CLUH: variants seen among roughly 807,000 people sequenced by gnomAD.
The protein encoded by CLUH is CLUH binding protein of NUMT mRNA.
A neutral mutation model predicts 139.3 loss-of-function variants in CLUH; 77 were observed. The observed-to-expected ratio is 0.55, with a 90% CI of 0.46 to 0.67. The LOEUF (loss-of-function observed/expected upper bound fraction) is 0.67, where lower values mean the gene tolerates loss of function less well. CLUH is among the 30% of genes least tolerant of loss of function. The pLI, the probability that CLUH is intolerant of heterozygous loss-of-function variation, is 0.00. For missense variants in CLUH, 1,876 were observed against 1,875.8 expected (o/e 1.00, Z 0.00); for synonymous variants, 999 against 801.6 (o/e 1.25, Z -4.16).
At chr17:2,709,161 G>C (rs539247766) in intron 1 of CLUH, among the ~76,000 whole-genome samples, 1 of 152,296 alleles carries the variant, frequency 6.6e-6, no homozygotes, top group African/African-American at 2.4e-5. Flanking sequence ...CAGAGGACCT[G>C]TGTGCTGCCC....
In CLUH at chr17:2,692,676, G is replaced by A; in HGVS notation, c.3333C>T (p.Cys1111=). The A allele has an allele frequency of 6.2e-7, 1 of 1,612,012 alleles. No individual in the cohort carries two copies. The highest frequency in any genetic ancestry group is 8.5e-7 in the Non-Finnish European group (1 of 1,179,222). ...CGGTGGACAGCTGGCTGCTGGCGAA[G>A]CAGTACAGGGCCAGGTGCATCTGCG... ...IQEYMHLALY[C]FASSQLSTAL... The change falls in exon 21 of 26, where the codon TGC becomes TGT. Residue 1111 remains cysteine (C), a synonymous_variant. Coordinates refer to ENST00000651024, the MANE Select transcript of CLUH (RefSeq NM_001366661.1).
chr17:2,698,208 A>G lies in CLUH; in HGVS notation c.1649T>C (p.Val550Ala). 1 of 1,580,778 alleles carries G rather than the reference A, an allele frequency of 6.3e-7. No homozygotes were observed. The highest frequency in any genetic ancestry group is 8.6e-7 in the Non-Finnish European group (1 of 1,164,360). The stretch of plus-strand genomic sequence containing the variant: ...CAGCTCCAGGTACCGCGGGTGTGAC[A>G]CCACGGTCTTGCCGAAGTCGATGGA... Reference protein sequence around the residue: ...YGSIDFGKTVVSHPRYLELLE... With the variant: ...YGSIDFGKTVASHPRYLELLE... Residue 550 changes from valine (V) to alanine (A), a missense_variant, in exon 10 of 26, where the codon GTG (valine) becomes GCG (alanine). By Grantham distance (64) the Val-to-Ala change is moderately conservative. Coordinates refer to ENST00000651024, the MANE Select transcript of CLUH (RefSeq NM_001366661.1).
chr17:2,690,645 C>G lies in CLUH; in HGVS notation c.3996G>C (p.Leu1332=). The G allele has an allele frequency of 6.6e-7, 1 of 1,523,536 alleles. No homozygotes were observed. Among genetic ancestry groups the G allele is most frequent in the Non-Finnish European group, 8.8e-7 (1 of 1,142,302 alleles). The allele number at this position is 1,523,536 out of a possible 1,614,324, so 94.4% of individuals were successfully genotyped here. A position where few individuals can be genotyped will look rare whatever the true frequency, so the allele number is the denominator to read the frequency against. ...EPAPAGAPGD[L]GSQPPAAKDP... is the part of the protein sequence containing the mutation. ...CCTTGGCAGCCGGGGGCTGGGAGCCCAGGTCTCCTGGGGCCCCCGCTGGCG... is the reference window on the plus strand; with the variant it reads ...CCTTGGCAGCCGGGGGCTGGGAGCCGAGGTCTCCTGGGGCCCCCGCTGGCG... Residue 1332 remains leucine (L), a synonymous_variant, in exon 26 of 26, where the codon CTG becomes CTC. Coordinates refer to ENST00000651024, the MANE Select transcript of CLUH (RefSeq NM_001366661.1).
chr17:2,695,152 G>A, intron 15 of CLUH, 51 bp from the exon 16 acceptor site: 1 of 1,613,478 alleles, frequency 6.2e-7, no homozygotes, highest in Non-Finnish European at 8.5e-7. Context: ...CCCACCTCAG[G>A]CTCTTTCCCG....
chr17:2,699,635 CTT>C (rs34048701), intron 9 of CLUH, among the ~76,000 whole-genome samples: 69 of 144,886 alleles, frequency 4.8e-4, no homozygotes, highest in Non-Finnish European at 6.2e-4. Flanking sequence ...GCTGAGATTT[CTT>C]TTTTTTTTTT....
At chr17:2,708,165 C>T (rs2070401903) in intron 1 of CLUH, among the ~76,000 whole-genome samples, 1 of 152,182 alleles carries the variant, frequency 6.6e-6, no homozygotes. Context: ...ATCCACCCTA[C>T]CCAGGGTGGG....
Position 2,690,728 on chromosome 17 carries a change from G to A in CLUH, c.3913C>T (p.Leu1305Phe). Residue 1305 changes from leucine (L) to phenylalanine (F), a missense_variant, in exon 26 of 26, where the codon CTC (leucine) becomes TTC (phenylalanine). Around this residue, in one of 3 missense-constraint regions of CLUH, gnomAD observed 1,454 missense variants for 1,384.4 expected, o/e 1.05. Coordinates refer to ENST00000651024, the MANE Select transcript of CLUH (RefSeq NM_001366661.1). Reference protein sequence around the residue: ...LKAEVARRHQLQEASRNRDRA... With the variant: ...LKAEVARRHQFQEASRNRDRA... ...TCCCTGTTTCTGCTGGCCTCCTGGAGCTGGTGCCGCCGCGCCACCTCGGCT... is the reference window on the plus strand; with the variant it reads ...TCCCTGTTTCTGCTGGCCTCCTGGAACTGGTGCCGCCGCGCCACCTCGGCT... 6.4e-7 allele frequency: 1 copy of A among 1,557,446 alleles called. No individual in the cohort carries two copies. Among genetic ancestry groups the A allele is most frequent in the Non-Finnish European group, 8.6e-7 (1 of 1,159,680 alleles).
chr17:2,703,482 G>T lies in CLUH; in HGVS notation c.311C>A (p.Pro104His). Reference protein sequence around the residue: ...GIEPFSLQVSPQEMVQEIHQV... With the variant: ...GIEPFSLQVSHQEMVQEIHQV... ...GTGAATCTCCTGCACCATCTCCTGG[G>T]GGGACACCTGCAGGGAGAAGGCCCC... The change falls in exon 3 of 26, where the codon CCC becomes CAC. Residue 104 changes from proline (P) to histidine (H), a missense_variant. Transcript: ENST00000651024. The surrounding 1 kb of genome is among the most constrained non-coding windows in gnomAD (Gnocchi z 4.2). 6.2e-7 allele frequency: 1 copy of T among 1,613,122 alleles called. No individual in the cohort carries two copies. Among genetic ancestry groups the T allele is most frequent in the Non-Finnish European group, 8.5e-7 (1 of 1,179,628 alleles).
At chr17:2,691,920 G>A (rs2069658635) in intron 23 of CLUH, 25 bp from the exon 24 acceptor site, 2 of 1,374,420 alleles carry the variant, frequency 1.5e-6, no homozygotes, top group Non-Finnish European at 9.4e-7. Context: ...GAAGGGATCA[G>A]GCCCCCCCGT....
intron 16 of CLUH, 35 bp downstream of exon 16, chr17:2,694,822 T>TCCCCCCCCCC: frequency 1.5e-6 from 2 of 1,346,336 alleles, no homozygotes; most frequent in African/African-American, 1.5e-5. Flanking sequence ...ATCTGCCCAA[T>TCCCCCCCCCC]CCCACCCACC....
At chr17:2,691,362 G>T (rs1283381837) in intron 25 of CLUH, among the ~76,000 whole-genome samples, 1 of 152,154 alleles carries the variant, frequency 6.6e-6, no homozygotes, top group Non-Finnish European at 1.5e-5. Context: ...AAGAGTTCGA[G>T]ACCAGCCTGG....
Position 2,694,182 on chromosome 17 carries a change from T to C in CLUH, c.3032A>G (p.Asn1011Ser), listed in dbSNP as rs2069832735. 5 of 1,613,206 alleles carry C rather than the reference T, an allele frequency of 3.1e-6. No homozygotes were observed. The East Asian group carries it at 1.1e-4, about 36-fold the overall frequency. ...ATGGAAGGCATCCGAGGCCTTGGGG[T>C]TGACGTGCTTGACCACGGGGAAGAT... is the stretch of plus-strand genomic sequence containing the variant. ...LNIFPVVKHV[N>S]PKASDAFHFF... Residue 1011 changes from asparagine (N) to serine (S), a missense_variant, in exon 18 of 26, where the codon AAC becomes AGC. Transcript: ENST00000651024.
chr17:2,692,119 G>T, intron 22 of CLUH, 22 bp from the exon 23 acceptor site: 1 of 1,579,494 alleles, frequency 6.3e-7, no homozygotes, highest in Non-Finnish European at 8.6e-7. Context: ...CGCGGCGCGG[G>T]GCGAGGGAAG....
rs979122099 is a variant in CLUH, at chr17:2,690,466, G to T, written c.*128C>A. On this transcript the variant is annotated 3_prime_UTR_variant, in exon 26 of 26. Coordinates refer to ENST00000651024, the MANE Select transcript of CLUH (RefSeq NM_001366661.1). The stretch of plus-strand genomic sequence containing the variant: ...GCCAGGCTCCCAGGAGGACACGGGG[G>T]TGGGGTGGGGTGAGACGTGGAGGAA... 3.8e-6 allele frequency: 3 copies of T among 796,612 alleles called. No homozygotes were observed. Among genetic ancestry groups the T allele is most frequent in the Non-Finnish European group, 5.4e-6 (3 of 559,100 alleles). The allele number at this position is 796,612 out of a possible 1,614,324, so 49.3% of individuals were successfully genotyped here. A position where few individuals can be genotyped will look rare whatever the true frequency, so the allele number is the denominator to read the frequency against.
rs2069578626 is a variant in CLUH at position 2,690,489 on chromosome 17, G to C, written c.*105C>G. ...GGGTGGGGTGGGGTGAGACGTGGAGGAAGAGGGCCTTGCTTCCTCTTCCGC... is the reference window on the plus strand; with the variant it reads ...GGGTGGGGTGGGGTGAGACGTGGAGCAAGAGGGCCTTGCTTCCTCTTCCGC... On this transcript the variant is annotated 3_prime_UTR_variant, in exon 26 of 26. Coordinates refer to ENST00000651024, the MANE Select transcript of CLUH (RefSeq NM_001366661.1). 9.6e-7 allele frequency: 1 copy of C among 1,038,132 alleles called. No individual in the cohort carries two copies. Among genetic ancestry groups the C allele is most frequent in the Admixed American group, 4.0e-5 (1 of 25,036 alleles). The allele number at this position is 1,038,132 out of a possible 1,614,324, so 64.3% of individuals were successfully genotyped here. A position where few individuals can be genotyped will look rare whatever the true frequency, so the allele number is the denominator to read the frequency against.
In CLUH at chr17:2,692,073, G is replaced by A. The variant is rs1191262302; in HGVS notation, c.3585C>T (p.Tyr1195=). 2 of 1,604,022 alleles carry A rather than the reference G, an allele frequency of 1.2e-6. No individual in the cohort carries two copies. Among genetic ancestry groups the A allele is most frequent in the African/African-American group, 1.3e-5 (1 of 74,766 alleles). Residue 1195 remains tyrosine (Y), a synonymous_variant, in exon 23 of 26, where the codon TAC becomes TAT. Transcript: ENST00000651024. ...CCGACCGGAACTCAGCTTTGCTCTC[G>A]TAGACTCGGGCGACAAGGTGGTGGC... ...ALSHHLVARV[Y]ESKAEFRSAL... is the part of the protein sequence containing the mutation.
rs1169208779 is a variant in CLUH, at chr17:2,707,481, G to T, written c.101-2917C>A. The T allele has an allele frequency of 1.0e-6, 1 of 985,384 alleles. No homozygotes were observed. The highest frequency in any genetic ancestry group is 1.2e-6 in the Non-Finnish European group (1 of 829,896). 61.0% of individuals were successfully genotyped at this position (985,384 alleles called of 1,614,324 possible). On this transcript the variant is annotated intron_variant, in intron 1 of 25. Coordinates refer to ENST00000651024, the MANE Select transcript of CLUH (RefSeq NM_001366661.1). This position sits in a 1 kb window ranked among gnomAD's most constrained non-coding sequence, Gnocchi z 7.4. ...GAACCCGGTGGCCCCAGGACCCCAG[G>T]GGGAGCTGCTATCAGCACTCAGGCC...
chr17:2,691,940 G>GCCCCGCCCCCGC (rs1567575491), intron 23 of CLUH, 45 bp from the exon 24 acceptor site: 1 of 1,298,946 alleles, frequency 7.7e-7, no homozygotes, highest in Non-Finnish European at 9.9e-7. Flanking sequence ...TGCCCCCGCG[G>GCCCCGCCCCCGC]CCCCGCCCCC....
chr17:2,707,736 G>A lies in CLUH; in HGVS notation c.101-3172C>T. The A allele has an allele frequency of 9.1e-6, 9 of 985,398 alleles. No homozygotes were observed. Among genetic ancestry groups the A allele is most frequent in the Non-Finnish European group, 1.1e-5 (9 of 829,896 alleles). 61.0% of individuals were successfully genotyped at this position (985,398 alleles called of 1,614,324 possible). A position where few individuals can be genotyped will look rare whatever the true frequency, so the allele number is the denominator to read the frequency against. On this transcript the variant is annotated intron_variant, in intron 1 of 25. Coordinates refer to ENST00000651024, the MANE Select transcript of CLUH (RefSeq NM_001366661.1). This position sits in a 1 kb window ranked among gnomAD's most constrained non-coding sequence, Gnocchi z 7.4. ...ACAGCTGGCACAGACCCGGGTCCAG[G>A]CCATAAGGTGGCTGCCTCTGCCCAC... is the stretch of plus-strand genomic sequence containing the variant.
Sources: allele counts gnomAD v4.1 joint callset (sites outside exome capture counted in the v4.1 genomes callset), GRCh38; gene constraint gnomAD v4.1.1; regional missense constraint gnomAD v4.1.1; non-coding constraint Gnocchi (gnomAD v3.1); transcripts MANE v1.5; gene names NCBI Gene and HGNC (gene_info 2026-07-23, HGNC 2026-07-21).